The following RPGRIP1 variants were observed in gnomAD, a reference collection of about 807,000 sequenced individuals.
The protein encoded by RPGRIP1 is X-linked retinitis pigmentosa GTPase regulator-interacting protein 1.
In RPGRIP1, 128 loss-of-function variants were observed where a neutral mutation model predicts 157.9. The ratio of observed to expected loss-of-function variants is 0.81; its 90% CI spans 0.70 to 0.94. The LOEUF (loss-of-function observed/expected upper bound fraction) is 0.94, where lower values mean the gene tolerates loss of function less well. Among genes scored for constraint, RPGRIP1 ranks in the 40% least tolerant of loss-of-function variants. The probability of loss-of-function intolerance (pLI) is 0.00; values close to 1 mark genes in which losing one functional copy is unlikely to be tolerated. For synonymous variants in RPGRIP1, 554 were observed against 571.6 expected, an observed-to-expected ratio of 0.97 and a Z score of 0.44; for missense variants, 1,486 against 1,545.8, an observed-to-expected ratio of 0.96 and a Z score of 0.65.
At chr14:21,303,988 C>CAAAA (rs111950080) in intron 6 of RPGRIP1, among the ~76,000 whole-genome samples, 6 of 129,442 alleles carry the variant, frequency 4.6e-5, no homozygotes, top group African/African-American at 1.4e-4. Flanking sequence ...AACTTGGTCT[C>CAAAA]AAAAAAAAAA....
At chr14:21,300,705 CTTTTTTTTT>C (rs918137131) in intron 3 of RPGRIP1, among the ~76,000 whole-genome samples, 6 of 73,500 alleles carry the variant, frequency 8.2e-5, no homozygotes, top group African/African-American at 1.6e-4. Flanking sequence ...AGTGGCTCAA[CTTTTTTTTT>C]TTTTTTTTTT....
At position 21,280,592 on chromosome 14, in the gene RPGRIP1, C is replaced by T. The variant is rs559407780; in HGVS notation, c.-39+433C>T. Among the ~76,000 whole-genome samples, 54 of 152,216 alleles carry T rather than the reference C, an allele frequency of 3.5e-4. No homozygotes were observed. In the South Asian group the frequency reaches 0.011, roughly 32 times the overall value. On this transcript the variant is annotated intron_variant, in intron 1 of 24. Coordinates refer to ENST00000400017, the MANE Select transcript of RPGRIP1 (RefSeq NM_020366.4). ...TACCACCAGTCTCCCAGGCATCCAG[C>T]ACAACATTACCAAGTCATCTTTAAT...
chr14:21,348,139 AACAG>A (rs1885752385), intron 23 of RPGRIP1, 29 bp from the exon 24 acceptor site: 7 of 1,511,400 alleles, frequency 4.6e-6, no homozygotes, highest in Non-Finnish European at 6.2e-6. Context: ...TAAGAGTATC[AACAG>A]TGCTGAATTA....
At chr14:21,341,163 T>C (rs997479238) in intron 21 of RPGRIP1, among the ~76,000 whole-genome samples, 2 of 152,130 alleles carry the variant, frequency 1.3e-5, no homozygotes, top group Non-Finnish European at 2.9e-5. Context: ...CCCGAGTAGC[T>C]GGGATTACAG....
chr14:21,335,584 G>A (rs557843490), intron 21 of RPGRIP1, among the ~76,000 whole-genome samples: 55 of 152,086 alleles, frequency 3.6e-4, no homozygotes, highest in Non-Finnish European at 7.1e-4. Context: ...TAATCCCAGC[G>A]CTTTGGGAGG....
intron 12 of RPGRIP1, 115 bp from the exon 13 acceptor site, chr14:21,321,144 G>T: frequency 1.9e-6 from 2 of 1,025,728 alleles, no homozygotes; most frequent in Non-Finnish European, 1.4e-6. Context: ...TTTACATTTT[G>T]GAGTAGTTTC....
chr14:21,293,298 A>G (rs918470202), intron 2 of RPGRIP1, among the ~76,000 whole-genome samples: 1 of 152,188 alleles, frequency 6.6e-6, no homozygotes, highest in Non-Finnish European at 1.5e-5. Context: ...CCTAGGAGGC[A>G]GCTTTGGGGA....
chr14:21,310,240 CTTT>C lies in RPGRIP1; in HGVS notation c.907-336_907-334del, dbSNP rs60849185. Reference sequence around the variant, plus strand: ...AATTATAGCTGTTGTTATGATCATTCTTTTTTTTTTACTAAAACTGAAGAGATC... The same window carrying C: ...AATTATAGCTGTTGTTATGATCATTCTTTTTTTACTAAAACTGAAGAGATC... On this transcript the variant is annotated intron_variant, in intron 7 of 24. Transcript: ENST00000400017. Among the ~76,000 whole-genome samples, 17 of 146,656 alleles carry C rather than the reference CTTT, an allele frequency of 1.2e-4. 6 individuals are homozygous for C. In the East Asian group the frequency reaches 2.9e-3, roughly 25 times the overall value.
At chr14:21,330,867 T>C (rs1429612921) in intron 20 of RPGRIP1, among the ~76,000 whole-genome samples, 1 of 152,022 alleles carries the variant, frequency 6.6e-6, no homozygotes, top group Non-Finnish European at 1.5e-5. Context: ...AGTAACTTTC[T>C]CAGTGTTTAT....
At chr14:21,314,324 T>C (rs1054055800) in intron 10 of RPGRIP1, among the ~76,000 whole-genome samples, 3 of 152,096 alleles carry the variant, frequency 2.0e-5, no homozygotes, top group African/African-American at 7.2e-5. Flanking sequence ...GCTCAAGTGA[T>C]CTGCCTGCCT....
At position 21,301,057 on chromosome 14, in the gene RPGRIP1, G is replaced by C. The variant is rs377018856; in HGVS notation, c.310G>C (p.Gly104Arg). 6.2e-6 allele frequency: 10 copies of C among 1,612,590 alleles called. No individual in the cohort carries two copies. Among genetic ancestry groups the C allele is most frequent in the Non-Finnish European group, 8.5e-6 (10 of 1,179,480 alleles). Residue 104 changes from glycine (G) to arginine (R), a missense_variant, in exon 4 of 25, where the codon GGG (glycine) becomes CGG (arginine). Gly to Arg is a moderately radical substitution (Grantham distance 125). Transcript: ENST00000400017. ...AAPLSETARR[G>R]QKAGWRQRLS... The stretch of plus-strand genomic sequence containing the variant: ...GCCGCTCTCGGAGACCGCAAGGCGC[G>C]GGCAGAAGGCGGGATGGCGGCAGCG...
At chr14:21,292,549 A>T (rs1387051345) in intron 2 of RPGRIP1, among the ~76,000 whole-genome samples, 1 of 152,138 alleles carries the variant, frequency 6.6e-6, no homozygotes, top group East Asian at 1.9e-4. Context: ...ACTATAAAAA[A>T]TTTAAAAATT....
At position 21,286,532 on chromosome 14, in the gene RPGRIP1, T is replaced by C. The variant is rs561976870; in HGVS notation, c.-38-1407T>C. Among the ~76,000 whole-genome samples, 347 of 152,020 alleles carry C rather than the reference T, an allele frequency of 2.3e-3. 1 individual carries two copies. The highest frequency in any genetic ancestry group is 4.1e-3 in the Non-Finnish European group (278 of 67,976). On this transcript the variant is annotated intron_variant, in intron 1 of 24. Coordinates refer to ENST00000400017, the MANE Select transcript of RPGRIP1 (RefSeq NM_020366.4). ...AGAAATTGGGCTGGCTGCGGTCTGA[T>C]GCCTGTAATCCCAGCACTTTGGGAG...
At chr14:21,297,894 G>A (rs1449410212) in intron 3 of RPGRIP1, among the ~76,000 whole-genome samples, 3 of 34,338 alleles carry the variant, frequency 8.7e-5, no homozygotes, top group African/African-American at 1.3e-4. Flanking sequence ...TTGAGATAGG[G>A]TCTCACTCTG....
chr14:21,344,713 A>G (rs1235370920), intron 22 of RPGRIP1, among the ~76,000 whole-genome samples: 2 of 152,210 alleles, frequency 1.3e-5, no homozygotes. Context: ...TGGGAAGCCA[A>G]GGCGGGCAGA....
rs575204640 is a variant in RPGRIP1 at position 21,327,752 on chromosome 14, C to T, written c.2840C>T (p.Thr947Ile). ...GAAGCTCAGACTAAGGGGAAGGATA[C>T]CAAGGACAGTTCAAAGATCTCATCT... Reference protein sequence around the residue: ...KPEAQTKGKDTKDSSKISSEE... With the variant: ...KPEAQTKGKDIKDSSKISSEE... Residue 947 changes from threonine to isoleucine, a missense_variant, in exon 18 of 25, where the codon ACC becomes ATC. Coordinates refer to ENST00000400017, the MANE Select transcript of RPGRIP1 (RefSeq NM_020366.4). 6.2e-7 allele frequency: 1 copy of T among 1,613,322 alleles called. No homozygotes were observed. The highest frequency in any genetic ancestry group is 1.7e-5 in the Admixed American group (1 of 59,886).
chr14:21,351,103 G>T lies in RPGRIP1; in HGVS notation c.3749-1G>T, dbSNP rs769076483. 2 of 1,592,712 alleles carry T rather than the reference G, an allele frequency of 1.3e-6. No individual in the cohort carries two copies. The highest frequency in any genetic ancestry group is 8.6e-7 in the Non-Finnish European group (1 of 1,165,166). On this transcript the variant is annotated splice_acceptor_variant, in intron 24 of 24. Transcript: ENST00000400017. LOFTEE classifies it high-confidence loss of function. Reference sequence around the variant, plus strand: ...TGCTGTTTTTTTCCCTTTCCCAACAGTTGTTAGCCCTGAAGATCTGGCTAC... The same window carrying T: ...TGCTGTTTTTTTCCCTTTCCCAACATTTGTTAGCCCTGAAGATCTGGCTAC...
At chr14:21,316,563 C>T (rs1486364635) in intron 10 of RPGRIP1, among the ~76,000 whole-genome samples, 3 of 151,728 alleles carry the variant, frequency 2.0e-5, no homozygotes, top group African/African-American at 7.3e-5. Flanking sequence ...ATTACAGGCA[C>T]CTGCCACCAC....
chr14:21,351,095 T>C lies in RPGRIP1; in HGVS notation c.3749-9T>C. 6.4e-7 allele frequency: 1 copy of C among 1,566,528 alleles called. No individual in the cohort carries two copies. The highest frequency in any genetic ancestry group is 8.8e-7 in the Non-Finnish European group (1 of 1,142,806). On this transcript the variant is annotated splice_polypyrimidine_tract_variant and intron_variant, in intron 24 of 24. Transcript: ENST00000400017. Reference sequence around the variant, plus strand: ...CTGAGTGATGCTGTTTTTTTCCCTTTCCCAACAGTTGTTAGCCCTGAAGAT... The same window carrying C: ...CTGAGTGATGCTGTTTTTTTCCCTTCCCCAACAGTTGTTAGCCCTGAAGAT...
Sources: gnomAD v4.1 joint callset for allele counts (sites outside exome capture counted in the v4.1 genomes callset) on GRCh38, gnomAD v4.1.1 for gene constraint, MANE v1.5 for transcripts, NCBI Gene and HGNC (gene_info 2026-07-23, HGNC 2026-07-21) for gene names.